STARD8: variants seen among roughly 807,000 people sequenced by gnomAD.
The protein encoded by STARD8 is stAR-related lipid transfer protein 8.
STARD8 carries 25 observed loss-of-function variants against 69.4 expected under a neutral mutation model. That is an observed-to-expected ratio of 0.36 (90% confidence interval 0.26 to 0.50). The LOEUF is 0.50. Among genes scored for constraint, STARD8 ranks in the 20% least tolerant of loss-of-function variants. The pLI, the probability that STARD8 is intolerant of heterozygous loss-of-function variation, is 0.96. For missense variants in STARD8, 921 were observed against 932.5 expected, an observed-to-expected ratio of 0.99 and a Z score of 0.16; for synonymous variants, 389 against 374.6, an observed-to-expected ratio of 1.04 and a Z score of -0.45.
intron 1 of STARD8, among the ~76,000 whole-genome samples, chrX:68,654,557 G>T (rs1465721076): frequency 4.5e-5 from 5 of 111,657 alleles, no homozygotes; most frequent in Non-Finnish European, 9.4e-5. Flanking sequence ...GAGTGTGTAT[G>T]TGCACAAGGG....
At chrX:68,693,818 G>A in intron 2 of STARD8, 1 of 754,971 alleles carries the variant, frequency 1.3e-6, no homozygotes, top group Non-Finnish European at 1.6e-6. Context: ...GGGTGGACGC[G>A]GCCTCCAGGT....
chrX:68,652,913 CACACACACACATCACACACA>C (rs2079562996), intron 1 of STARD8, among the ~76,000 whole-genome samples: 9 of 17,188 alleles, frequency 5.2e-4, no homozygotes, highest in Non-Finnish European at 7.6e-4. Flanking sequence ...CACACCACAC[CACACACACACATCACACACA>C]CCACACACAC....
intron 14 of STARD8, 75 bp downstream of exon 14, chrX:68,724,196 C>G (rs2080179388): frequency 3.4e-6 from 4 of 1,172,381 alleles, no homozygotes; most frequent in African/African-American, 1.8e-5. Context: ...TACTTTCTGC[C>G]CCATGCTATT....
chrX:68,653,052 A>G (rs1602534776), intron 1 of STARD8, among the ~76,000 whole-genome samples: 2 of 20,672 alleles, frequency 9.7e-5, no homozygotes, highest in African/African-American at 2.0e-4. Flanking sequence ...CACATCACAC[A>G]CCACACACAC....
intron 2 of STARD8, among the ~76,000 whole-genome samples, chrX:68,666,537 C>T (rs1056894961): frequency 5.4e-5 from 6 of 112,060 alleles, no homozygotes; most frequent in African/African-American, 9.7e-5. Flanking sequence ...CTGGTTTGGG[C>T]GAATCACGCC....
chrX:68,654,486 C>T (rs1339846919), intron 1 of STARD8, among the ~76,000 whole-genome samples: 1 of 111,458 alleles, frequency 9.0e-6, no homozygotes, highest in Non-Finnish European at 1.9e-5. Flanking sequence ...CAGTCGTGGG[C>T]CAACATGGGA....
intron 9 of STARD8, 55 bp downstream of exon 9, chrX:68,721,177 T>C: frequency 8.6e-7 from 1 of 1,159,601 alleles, no homozygotes. Flanking sequence ...CCTCCCTGAA[T>C]CCCAGAACTT....
chrX:68,691,664 A>G (rs1569361906), intron 2 of STARD8, among the ~76,000 whole-genome samples: 1 of 112,350 alleles, frequency 8.9e-6, no homozygotes. Context: ...CATCTACTCT[A>G]TGCCAGGCAC....
chrX:68,716,261 G>T, intron 4 of STARD8, 107 bp from the exon 5 acceptor site: 1 of 722,414 alleles, frequency 1.4e-6, no homozygotes, highest in Non-Finnish European at 2.1e-6. Flanking sequence ...TGGAGCTTGC[G>T]AGAAGTTTTG....
At chrX:68,657,058 C>CA (rs1005399924) in intron 1 of STARD8, among the ~76,000 whole-genome samples, 2 of 111,553 alleles carry the variant, frequency 1.8e-5, no homozygotes, top group African/African-American at 6.5e-5. Flanking sequence ...TTTCTTGCTC[C>CA]AAAAAATGTA....
intron 1 of STARD8, among the ~76,000 whole-genome samples, chrX:68,658,666 C>T (rs1230016577): frequency 8.9e-6 from 1 of 112,621 alleles, no homozygotes; most frequent in Non-Finnish European, 1.9e-5. Flanking sequence ...ACCTGGGAAG[C>T]TCTGGGAGCC....
At chrX:68,655,480 G>A (rs998754748) in intron 1 of STARD8, among the ~76,000 whole-genome samples, 1 of 111,868 alleles carries the variant, frequency 8.9e-6, no homozygotes, top group African/African-American at 3.3e-5. Context: ...CTGGGTGATA[G>A]GTATTGGCCC....
At chrX:68,688,763 G>A (rs2079853048) in intron 2 of STARD8, among the ~76,000 whole-genome samples, 1 of 106,926 alleles carries the variant, frequency 9.4e-6, no homozygotes, top group Non-Finnish European at 1.9e-5. Context: ...TTTCCCCCAG[G>A]CTCCCCACCC....
chrX:68,722,013 C>G, intron 10 of STARD8, 34 bp from the exon 11 acceptor site: 1 of 1,127,412 alleles, frequency 8.9e-7, no homozygotes, highest in Non-Finnish European at 1.2e-6. Flanking sequence ...GCTCTTGTGC[C>G]ATCTCTCCTC....
intron 1 of STARD8, among the ~76,000 whole-genome samples, chrX:68,650,381 G>A (rs1381308748): frequency 2.9e-5 from 3 of 104,328 alleles, no homozygotes; most frequent in Non-Finnish European, 5.8e-5. Context: ...TGCTATGATT[G>A]CACCACTACA....
chrX:68,720,448 C>T (rs773745929), intron 8 of STARD8, 25 bp downstream of exon 8: 392 of 1,146,201 alleles, frequency 3.4e-4, no homozygotes, highest in Middle Eastern at 8.9e-4. Flanking sequence ...GGCAGCCTGC[C>T]GGGAGATGGT....
At chrX:68,670,804 C>G (rs1179364412) in intron 2 of STARD8, among the ~76,000 whole-genome samples, 5 of 111,848 alleles carry the variant, frequency 4.5e-5, no homozygotes, top group African/African-American at 1.3e-4. Flanking sequence ...AAAGCAGCCC[C>G]ATGCACCCAG....
intron 3 of STARD8, 54 bp downstream of exon 3, chrX:68,713,039 C>T: frequency 9.1e-7 from 1 of 1,098,027 alleles, no homozygotes; most frequent in South Asian, 2.0e-5. Context: ...CTCAGTTTTT[C>T]ATCTGTTAGA....
chrX:68,722,359 G>A, intron 11 of STARD8, 63 bp from the exon 12 acceptor site: 1 of 1,043,226 alleles, frequency 9.6e-7, no homozygotes, highest in Non-Finnish European at 1.3e-6. Flanking sequence ...ACGTGAACCT[G>A]ACAGACCCCA....
Sources: allele counts gnomAD v4.1 joint callset (sites outside exome capture counted in the v4.1 genomes callset), GRCh38; gene constraint gnomAD v4.1.1; transcripts MANE v1.5; gene names NCBI Gene and HGNC (gene_info 2026-07-23, HGNC 2026-07-21).